Variants in MED27 observed in about 807,000 individuals in gnomAD.
MED27 encodes the protein mediator of RNA polymerase II transcription subunit 27.
MED27 carries 30 observed loss-of-function variants against 38.2 expected under a neutral mutation model. The observed-to-expected ratio is 0.79, with a 90% CI of 0.59 to 1.07. The LOEUF (loss-of-function observed/expected upper bound fraction) is 1.07. Among genes scored for constraint, MED27 ranks in the 50% least tolerant of loss-of-function variants. MED27 has a pLI of 0.00. For synonymous variants in MED27, 122 were observed against 153.5 expected (o/e 0.79, Z 1.52); for missense variants, 289 against 397.5 (o/e 0.73, Z 2.32).
chr9:131,994,968 G>A (rs888899756), intron 3 of MED27, among the ~76,000 whole-genome samples: 6 of 152,042 alleles, frequency 3.9e-5, no homozygotes, highest in Admixed American at 3.9e-4. Context: ...AAACTCACTC[G>A]GGGTGACAGA....
intron 6 of MED27, 31 bp downstream of exon 6, chr9:131,884,027 G>A (rs775291240): frequency 5.0e-5 from 79 of 1,594,960 alleles, no homozygotes; most frequent in East Asian, 4.7e-4. Flanking sequence ...TCCTAATGCC[G>A]CTTGAGTAAG....
At chr9:131,908,712 C>T (rs906171583) in intron 4 of MED27, among the ~76,000 whole-genome samples, 1 of 152,208 alleles carries the variant, frequency 6.6e-6, no homozygotes, top group South Asian at 2.1e-4. Flanking sequence ...ACTCCCTAAT[C>T]TCAAGTACCC....
At chr9:131,877,950 G>C (rs1838966035) in intron 6 of MED27, among the ~76,000 whole-genome samples, 1 of 152,128 alleles carries the variant, frequency 6.6e-6, no homozygotes, top group Non-Finnish European at 1.5e-5. Flanking sequence ...GATCAAGTCT[G>C]CCTCAGTTAG....
At chr9:132,075,055 C>T (rs1481463267) in intron 2 of MED27, among the ~76,000 whole-genome samples, 1 of 152,178 alleles carries the variant, frequency 6.6e-6, no homozygotes, top group Admixed American at 6.5e-5. Context: ...GCCATCTCCA[C>T]CCTTTGATAA....
intron 3 of MED27, among the ~76,000 whole-genome samples, chr9:131,985,242 T>G (rs1831824491): frequency 6.6e-6 from 1 of 152,206 alleles, no homozygotes; most frequent in African/African-American, 2.4e-5. Flanking sequence ...TCCCCTTTCT[T>G]TTTAGTGCTT....
chr9:131,929,296 C>T (rs994796481), intron 4 of MED27, among the ~76,000 whole-genome samples: 3 of 152,120 alleles, frequency 2.0e-5, no homozygotes, highest in South Asian at 4.1e-4. Context: ...CATTCCCAGC[C>T]GTGGTGGTTC....
chr9:131,906,388 G>A (rs1830062970), intron 4 of MED27, among the ~76,000 whole-genome samples: 1 of 152,244 alleles, frequency 6.6e-6, no homozygotes, highest in African/African-American at 2.4e-5. Context: ...CCCAGTGCCG[G>A]AGCAGAGCAG....
At chr9:132,011,361 A>G (rs1832484061) in intron 3 of MED27, among the ~76,000 whole-genome samples, 1 of 152,210 alleles carries the variant, frequency 6.6e-6, no homozygotes, top group South Asian at 2.1e-4. Context: ...TGTTTTTGTT[A>G]CCTTTTCAAA....
At position 132,039,530 on chromosome 9, in the gene MED27, G is replaced by A. The variant is rs956336424; in HGVS notation, c.349-25063C>T. On this transcript the variant is annotated intron_variant, in intron 2 of 7. Transcript: ENST00000292035. Reference sequence around the variant, plus strand: ...GCAGCTCCAGTACTGACTCCATCCCGAGGTACTGAGCGAAAAGAAGGTTGG... The same window carrying A: ...GCAGCTCCAGTACTGACTCCATCCCAAGGTACTGAGCGAAAAGAAGGTTGG... 3.9e-5 allele frequency among the ~76,000 whole-genome samples: 6 copies of A among 152,300 alleles called. No homozygotes were observed. The South Asian group carries it at 1.0e-3, about 26-fold the overall frequency.
chr9:131,902,171 T>A (rs1249249321), intron 4 of MED27, among the ~76,000 whole-genome samples: 3 of 152,076 alleles, frequency 2.0e-5, no homozygotes, highest in African/African-American at 7.2e-5. Flanking sequence ...ACTGACCCCA[T>A]CTCTAAGACG....
intron 3 of MED27, among the ~76,000 whole-genome samples, chr9:131,998,309 G>C (rs899542606): frequency 3.3e-5 from 5 of 149,468 alleles, no homozygotes; most frequent in African/African-American, 1.2e-4. Flanking sequence ...CTCCTCCATT[G>C]GTCACTTCCT....
intron 2 of MED27, among the ~76,000 whole-genome samples, chr9:132,061,210 A>T (rs1399337179): frequency 6.6e-6 from 1 of 152,176 alleles, no homozygotes; most frequent in Non-Finnish European, 1.5e-5. Flanking sequence ...AGTTCTCCAA[A>T]TGAAAAGTAA....
At chr9:131,904,128 T>G (rs1480402749) in intron 4 of MED27, among the ~76,000 whole-genome samples, 4 of 152,144 alleles carry the variant, frequency 2.6e-5, no homozygotes, top group African/African-American at 9.7e-5. Context: ...CTCAAACTCC[T>G]GACCTCGTGA....
intron 2 of MED27, among the ~76,000 whole-genome samples, chr9:132,059,042 G>A (rs1589295081): frequency 1.3e-5 from 2 of 152,088 alleles, no homozygotes; most frequent in Non-Finnish European, 2.9e-5. Context: ...AAGCCCACTC[G>A]GGCCCCATTC....
rs569242023 is a variant in MED27, at chr9:132,063,859, C to T, written c.348+13583G>A. 4.6e-5 allele frequency among the ~76,000 whole-genome samples: 7 copies of T among 152,232 alleles called. No individual in the cohort carries two copies. In the South Asian group the frequency reaches 1.4e-3, roughly 32 times the overall value. On this transcript the variant is annotated intron_variant, in intron 2 of 7. Transcript: ENST00000292035. The stretch of plus-strand genomic sequence containing the variant: ...AGCCCGAGCTAGGTGCATTCACCAC[C>T]CGGAAAAAGGAGTATCTTCAAACCC...
Position 131,860,655 on chromosome 9 carries a change from G to GT in MED27, c.818dup (p.Tyr273Ter), listed in dbSNP as rs772302001. 4 of 1,613,420 alleles carry GT rather than the reference G, an allele frequency of 2.5e-6. No individual in the cohort carries two copies. In the Admixed American group the frequency reaches 6.7e-5, roughly 27 times the overall value. ...VRSFMTWLRS[Y>*]IKLFQAPCQR... ...GGCACGGGGCCTGGAACAGCTTTATGTAACTTCTTAACCAGGTCTAAAAAG... is the reference window on the plus strand; with the variant it reads ...GGCACGGGGCCTGGAACAGCTTTATGTTAACTTCTTAACCAGGTCTAAAAAG... The change falls in exon 8 of 8, where the codon TAC becomes TAAC. Residue 273 changes from tyrosine (Y) to a stop codon, truncating the protein, a stop_gained and frameshift_variant. Coordinates refer to ENST00000292035, the MANE Select transcript of MED27 (RefSeq NM_004269.4). LOFTEE classifies it high-confidence loss of function. This position sits in a 1 kb window ranked among gnomAD's most constrained non-coding sequence, Gnocchi z 5.8.
chr9:131,958,978 T>C (rs1449324025), intron 3 of MED27, among the ~76,000 whole-genome samples: 1 of 152,262 alleles, frequency 6.6e-6, no homozygotes, highest in Admixed American at 6.5e-5. Flanking sequence ...GTTTCACATG[T>C]GTTTGAATAG....
chr9:132,035,449 A>T (rs1462704266), intron 2 of MED27, among the ~76,000 whole-genome samples: 1 of 152,160 alleles, frequency 6.6e-6, no homozygotes, highest in African/African-American at 2.4e-5. Context: ...AACATGCAGG[A>T]TGTTCAGTGA....
intron 2 of MED27, among the ~76,000 whole-genome samples, chr9:132,061,697 C>A (rs747137118): frequency 6.6e-6 from 1 of 152,216 alleles, no homozygotes; most frequent in African/African-American, 2.4e-5. Flanking sequence ...ACCCAGGCCA[C>A]CCACCGGGCC....
Sources: allele counts gnomAD v4.1 joint callset (sites outside exome capture counted in the v4.1 genomes callset), GRCh38; gene constraint gnomAD v4.1.1; non-coding constraint Gnocchi (gnomAD v3.1); transcripts MANE v1.5; gene names NCBI Gene and HGNC (gene_info 2026-07-23, HGNC 2026-07-21).